Variants in TCF12 observed in about 807,000 individuals in gnomAD.
The protein encoded by TCF12 is transcription factor 12.
In TCF12, 45 loss-of-function variants were observed where a neutral mutation model predicts 86.0. The ratio of observed to expected loss-of-function variants is 0.52; its 90% confidence interval spans 0.41 to 0.67. The LOEUF is 0.67. Ranked by LOEUF, TCF12 falls within the 30% of genes least tolerant of loss-of-function variation. TCF12 has a pLI of 0.00. For synonymous variants in TCF12, 330 were observed against 299.6 expected (o/e 1.10, Z -1.05); for missense variants, 881 against 859.9 (o/e 1.02, Z -0.31).
intron 20 of TCF12, among the ~76,000 whole-genome samples, chr15:57,284,148 T>C (rs1220413292): frequency 6.6e-6 from 1 of 152,210 alleles, no homozygotes; most frequent in African/African-American, 2.4e-5. Context: ...TATTTTTGCT[T>C]CAAAAATAAA....
intron 6 of TCF12, among the ~76,000 whole-genome samples, chr15:57,191,750 C>A (rs1447384712): frequency 1.3e-5 from 2 of 151,954 alleles, no homozygotes; most frequent in African/African-American, 4.8e-5. Context: ...CCAGTCTGGC[C>A]CACATGGTGA....
At chr15:57,104,861 G>GT (rs11336613) in intron 5 of TCF12, among the ~76,000 whole-genome samples, 13,073 of 71,514 alleles carry the variant, frequency 0.18, 2,905 homozygotes, top group East Asian at 0.33. Flanking sequence ...CTTTGGTGGT[G>GT]TTTTTTTTTT....
At chr15:56,980,936 C>G (rs1464319901) in intron 3 of TCF12, among the ~76,000 whole-genome samples, 1 of 152,176 alleles carries the variant, frequency 6.6e-6, no homozygotes, top group Non-Finnish European at 1.5e-5. Flanking sequence ...ATTCTCAATA[C>G]TCAAGACTAG....
At chr15:57,253,887 C>T (rs1336697396) in intron 16 of TCF12, among the ~76,000 whole-genome samples, 4 of 152,064 alleles carry the variant, frequency 2.6e-5, no homozygotes, top group East Asian at 1.9e-4. Context: ...ACTTTATTCC[C>T]GAACTGCGGG....
intron 3 of TCF12, among the ~76,000 whole-genome samples, chr15:56,949,937 A>T (rs1156797783): frequency 2.6e-5 from 4 of 152,248 alleles, no homozygotes; most frequent in Non-Finnish European, 5.9e-5. Flanking sequence ...CTCTAGATTT[A>T]CTTTACAGTA....
chr15:57,082,025 A>T (rs1327206619), intron 4 of TCF12, among the ~76,000 whole-genome samples: 1 of 152,212 alleles, frequency 6.6e-6, no homozygotes, highest in East Asian at 1.9e-4. Flanking sequence ...GATTTAGCAC[A>T]TATGTGAGCC....
chr15:57,280,993 T>G (rs1313342587), intron 19 of TCF12, among the ~76,000 whole-genome samples: 1 of 152,222 alleles, frequency 6.6e-6, no homozygotes, highest in Non-Finnish European at 1.5e-5. Context: ...AAAACTCATT[T>G]TTTAAAAAAT....
intron 18 of TCF12, among the ~76,000 whole-genome samples, chr15:57,265,122 GTATA>G (rs1367878341): frequency 1.1e-5 from 1 of 91,796 alleles, no homozygotes; most frequent in Non-Finnish European, 2.7e-5. Context: ...GTATAGTATA[GTATA>G]GTATAGTATA....
At chr15:56,980,048 G>A (rs143069818) in intron 3 of TCF12, among the ~76,000 whole-genome samples, 42 of 152,236 alleles carry the variant, frequency 2.8e-4, no homozygotes, top group African/African-American at 9.9e-4. Context: ...ATCAGCCATT[G>A]TTCATTTATA....
At chr15:57,226,636 A>T (rs899048600) in intron 8 of TCF12, among the ~76,000 whole-genome samples, 87 of 152,186 alleles carry the variant, frequency 5.7e-4, no homozygotes, top group African/African-American at 2.0e-3. Context: ...AGCCTTCTCC[A>T]TACTTCTTTA....
intron 13 of TCF12, among the ~76,000 whole-genome samples, chr15:57,244,086 C>T (rs1196703616): frequency 6.6e-6 from 1 of 151,998 alleles, no homozygotes; most frequent in Non-Finnish European, 1.5e-5. Context: ...ATTATGTTGC[C>T]CAGCCTAGTC....
intron 3 of TCF12, among the ~76,000 whole-genome samples, chr15:56,959,744 C>T (rs1024815206): frequency 1.3e-4 from 20 of 152,018 alleles, no homozygotes; most frequent in African/African-American, 4.6e-4. Context: ...ATATCAAATG[C>T]TTATTTTGTT....
intron 2 of TCF12, among the ~76,000 whole-genome samples, 160 bp from the exon 3 acceptor site, chr15:56,920,866 C>G (rs1257758064): frequency 3.9e-5 from 6 of 152,144 alleles, no homozygotes; most frequent in Non-Finnish European, 5.9e-5. Context: ...GAAATAGTAT[C>G]ATTCAGTGTA....
At chr15:57,019,146 A>G (rs1468619822) in intron 3 of TCF12, among the ~76,000 whole-genome samples, 3 of 152,246 alleles carry the variant, frequency 2.0e-5, no homozygotes, top group African/African-American at 7.2e-5. Flanking sequence ...ATACTTTGGT[A>G]GCCAGCACTG....
In TCF12 at chr15:57,075,804, T is replaced by TTCTTTCTTTCTCTC. The variant is rs1461514777; in HGVS notation, c.222+11984_222+11985insTTCTTTCTCTCTCT. ...TTTCTTTCTTTCTTTCTTTCTTTCTTTCTCTCTCTCTCTCTCTCTCTCTCT... is the reference window on the plus strand; with the variant it reads ...TTTCTTTCTTTCTTTCTTTCTTTCTTTCTTTCTTTCTCTCTCTCTCTCTCTCTCTCTCTCTCTCT... On this transcript the variant is annotated intron_variant, in intron 4 of 20. Transcript: ENST00000333725. 2.2e-3 allele frequency among the ~76,000 whole-genome samples: 62 copies of TTCTTTCTTTCTCTC among 28,602 alleles called. 1 individual carries two copies. Among genetic ancestry groups the TTCTTTCTTTCTCTC allele is most frequent in the Middle Eastern group, 0.017 (1 of 58 alleles). The allele number at this position is 28,602 out of a possible 152,430, so 18.8% of individuals were successfully genotyped here.
At chr15:57,121,327 A>G (rs1430088189) in intron 5 of TCF12, among the ~76,000 whole-genome samples, 1 of 152,228 alleles carries the variant, frequency 6.6e-6, no homozygotes, top group Non-Finnish European at 1.5e-5. Context: ...AAATTAGAGC[A>G]GTTCCATGAG....
At chr15:57,016,162 A>C (rs2065143939) in intron 3 of TCF12, among the ~76,000 whole-genome samples, 1 of 152,190 alleles carries the variant, frequency 6.6e-6, no homozygotes, top group South Asian at 2.1e-4. Flanking sequence ...TCAGTCCCTG[A>C]CTTCAGCTGA....
At chr15:57,137,171 C>T (rs938668065) in intron 5 of TCF12, among the ~76,000 whole-genome samples, 7 of 151,702 alleles carry the variant, frequency 4.6e-5, no homozygotes, top group East Asian at 3.9e-4. Flanking sequence ...AGTAGAGACG[C>T]GGTTTCACCG....
intron 6 of TCF12, among the ~76,000 whole-genome samples, chr15:57,184,346 C>T (rs1303666816): frequency 6.6e-6 from 1 of 152,116 alleles, no homozygotes; most frequent in Non-Finnish European, 1.5e-5. Context: ...CCTCTAAGCT[C>T]TGGTTTTTTG....
Sources: gnomAD v4.1 joint callset for allele counts (sites outside exome capture counted in the v4.1 genomes callset) on GRCh38, gnomAD v4.1.1 for gene constraint, MANE v1.5 for transcripts, NCBI Gene and HGNC (gene_info 2026-07-23, HGNC 2026-07-21) for gene names.